The following PCDH9 variants were observed in gnomAD, a reference collection of about 807,000 sequenced individuals.
PCDH9 encodes the protein protocadherin 9.
PCDH9 carries 24 observed loss-of-function variants against 70.6 expected under a neutral mutation model. The observed-to-expected ratio is 0.34, with a 90% CI of 0.25 to 0.48. The LOEUF is 0.48. Among genes scored for constraint, PCDH9 ranks in the 20% least tolerant of loss-of-function variants. PCDH9 has a pLI of 0.99. For missense variants in PCDH9, 1,281 were observed against 1,503.6 expected (o/e 0.85, Z 2.45); for synonymous variants, 562 against 558.5 (o/e 1.01, Z -0.09).
chr13:66,822,235 A>G (rs1267757456), intron 3 of PCDH9, among the ~76,000 whole-genome samples: 2 of 151,898 alleles, frequency 1.3e-5, no homozygotes, highest in Admixed American at 6.6e-5. Flanking sequence ...TCATGTATTT[A>G]TTTGTTCTTG....
chr13:67,148,265 A>G (rs2087572061), intron 2 of PCDH9, among the ~76,000 whole-genome samples: 1 of 151,046 alleles, frequency 6.6e-6, no homozygotes, highest in Admixed American at 6.6e-5. Context: ...CCCCTCTGTG[A>G]TTTGAAGGAA....
intron 2 of PCDH9, among the ~76,000 whole-genome samples, chr13:66,917,260 T>G (rs965390980): frequency 6.6e-6 from 1 of 151,506 alleles, no homozygotes; most frequent in Non-Finnish European, 1.5e-5. Context: ...AAACTGGGCC[T>G]TTGAGAATAT....
At chr13:66,915,028 T>G (rs1246164197) in intron 2 of PCDH9, 1 of 151,718 alleles carries the variant, frequency 6.6e-6, no homozygotes, top group Non-Finnish European at 1.5e-5. Flanking sequence ...TACATTTACT[T>G]CAAGTAAGGA....
chr13:66,675,114 A>T (rs2078224823), intron 3 of PCDH9, among the ~76,000 whole-genome samples: 1 of 152,132 alleles, frequency 6.6e-6, no homozygotes, highest in Admixed American at 6.6e-5. Context: ...GATGCCTCAG[A>T]TTCCTTATCT....
rs190501647 is a variant in PCDH9 at position 66,913,666 on chromosome 13, G to C, written c.3037-10061C>G. Among the ~76,000 whole-genome samples, 347 of 152,014 alleles carry C rather than the reference G, an allele frequency of 2.3e-3. 4 individuals carry two copies. Among genetic ancestry groups the C allele is most frequent in the African/African-American group, 7.9e-3 (328 of 41,490 alleles). On this transcript the variant is annotated intron_variant, in intron 2 of 4. Coordinates refer to ENST00000377865, the MANE Select transcript of PCDH9 (RefSeq NM_203487.3). ...TATTATACATGTTACCTCAAAACTT[G>C]ATAGATTTTTATTTGCTCATTCGCT...
At chr13:66,350,281 C>A (rs556775001) in intron 4 of PCDH9, among the ~76,000 whole-genome samples, 1 of 152,314 alleles carries the variant, frequency 6.6e-6, no homozygotes, top group Non-Finnish European at 1.5e-5. Flanking sequence ...ATAATTTTTC[C>A]AACCATATAG....
chr13:66,915,042 T>C (rs987052961), intron 2 of PCDH9: 5 of 151,732 alleles, frequency 3.3e-5, no homozygotes, highest in African/African-American at 9.7e-5. Flanking sequence ...GTAAGGATTA[T>C]TGTTTCAGTT....
intron 4 of PCDH9, among the ~76,000 whole-genome samples, chr13:66,447,074 G>T (rs1429031008): frequency 6.6e-6 from 1 of 151,954 alleles, no homozygotes; most frequent in African/African-American, 2.4e-5. Context: ...CTCTCAGGAA[G>T]AAAGTGTCTT....
chr13:66,666,908 C>T (rs531119346), intron 3 of PCDH9, among the ~76,000 whole-genome samples: 431 of 152,188 alleles, frequency 2.8e-3, no homozygotes, highest in African/African-American at 9.8e-3. Flanking sequence ...TTTTATCACC[C>T]TCCTCCTCTT....
intron 2 of PCDH9, among the ~76,000 whole-genome samples, chr13:67,055,672 G>A (rs1036415413): frequency 3.3e-5 from 5 of 151,830 alleles, no homozygotes; most frequent in African/African-American, 1.2e-4. Context: ...ATGATGGTGT[G>A]CACCTGTAGT....
At chr13:67,031,369 A>G (rs551749351) in intron 2 of PCDH9, among the ~76,000 whole-genome samples, 9 of 152,340 alleles carry the variant, frequency 5.9e-5, no homozygotes, top group African/African-American at 2.2e-4. Flanking sequence ...CAATTCAAAT[A>G]ACACCTGTCT....
At position 66,812,944 on chromosome 13, in the gene PCDH9, G is replaced by C. The variant is rs373373092; in HGVS notation, c.3138+90560C>G. ...TAAATCCATGGCTAATCATTTTCAG[G>C]CTCGTCATTCTGTAGTATCCAAAAT... is the stretch of plus-strand genomic sequence containing the variant. On this transcript the variant is annotated intron_variant, in intron 3 of 4. Coordinates refer to ENST00000377865, the MANE Select transcript of PCDH9 (RefSeq NM_203487.3). Among the ~76,000 whole-genome samples, 59 of 152,188 alleles carry C rather than the reference G, an allele frequency of 3.9e-4. No individual in the cohort carries two copies. The East Asian group carries it at 4.1e-3, about 10-fold the overall frequency.
intron 2 of PCDH9, among the ~76,000 whole-genome samples, chr13:66,940,120 C>T (rs777982763): frequency 1.3e-5 from 2 of 152,046 alleles, no homozygotes; most frequent in Non-Finnish European, 2.9e-5. Context: ...ATGCTTTAGT[C>T]TGTGTGAAAC....
At chr13:66,786,377 T>G (rs1162477460) in intron 3 of PCDH9, among the ~76,000 whole-genome samples, 3 of 152,182 alleles carry the variant, frequency 2.0e-5, no homozygotes, top group African/African-American at 7.2e-5. Context: ...AGGAGAAGGC[T>G]TATGCTGTAT....
chr13:66,995,470 G>A (rs1197583632), intron 2 of PCDH9, among the ~76,000 whole-genome samples: 1 of 151,810 alleles, frequency 6.6e-6, no homozygotes. Context: ...ACCACTAAGG[G>A]AAAAAAACAA....
chr13:66,819,706 A>G (rs1435111396), intron 3 of PCDH9, among the ~76,000 whole-genome samples: 2 of 152,130 alleles, frequency 1.3e-5, no homozygotes, highest in Non-Finnish European at 2.9e-5. Context: ...TCTGGGCAAC[A>G]GAGTGAGACT....
At chr13:66,460,216 T>C (rs1367502111) in intron 4 of PCDH9, among the ~76,000 whole-genome samples, 2 of 151,828 alleles carry the variant, frequency 1.3e-5, no homozygotes, top group Non-Finnish European at 2.9e-5. Context: ...CAAGTAAAAC[T>C]ATGCTATTAT....
intron 3 of PCDH9, among the ~76,000 whole-genome samples, chr13:66,776,746 C>A (rs1411932725): frequency 1.3e-5 from 2 of 151,336 alleles, no homozygotes; most frequent in African/African-American, 2.4e-5. Flanking sequence ...ATCAAGCTAC[C>A]AATGACTTTC....
chr13:66,319,479 G>T (rs1015952952), intron 4 of PCDH9, among the ~76,000 whole-genome samples: 1 of 152,000 alleles, frequency 6.6e-6, no homozygotes, highest in Non-Finnish European at 1.5e-5. Context: ...AGGTGCCATG[G>T]CTTGAGCATC....
Sources: gnomAD v4.1 joint callset for allele counts (sites outside exome capture counted in the v4.1 genomes callset) on GRCh38, gnomAD v4.1.1 for gene constraint, MANE v1.5 for transcripts, NCBI Gene and HGNC (gene_info 2026-07-23, HGNC 2026-07-21) for gene names.